Variants in THOC6 observed in about 807,000 individuals in gnomAD.
THOC6 encodes the protein THO complex subunit 6, also known as THO complex 6.
Under a neutral mutation model 55.8 loss-of-function variants are expected in THOC6, and 39 were observed. That is an observed-to-expected ratio of 0.70 (90% CI 0.54 to 0.91). The LOEUF (loss-of-function observed/expected upper bound fraction) is 0.91, where lower values mean the gene tolerates loss of function less well. Among genes scored for constraint, THOC6 ranks in the 40% least tolerant of loss-of-function variants. The pLI is 0.00. For synonymous variants in THOC6, 192 were observed against 175.6 expected (o/e 1.09, Z -0.74); for missense variants, 482 against 442.0 (o/e 1.09, Z -0.81).
In THOC6 at chr16:3,025,077, A is replaced by G. The variant is rs1407720190; in HGVS notation, c.40-631A>G. 3.3e-5 allele frequency among the ~76,000 whole-genome samples: 5 copies of G among 149,442 alleles called. No individual in the cohort carries two copies. The East Asian group carries it at 9.9e-4, about 30-fold the overall frequency. ...CCTGCCTCAGCCTCCTGAGTAGCTG[A>G]GATTACAGGCATGCGCCACCACTCC... On this transcript the variant is annotated intron_variant, in intron 1 of 12. Transcript: ENST00000326266.
Position 3,027,686 on chromosome 16 carries a change from G to T in THOC6, c.*29G>T. 1 of 1,571,666 alleles carries T rather than the reference G, an allele frequency of 6.4e-7. No individual in the cohort carries two copies. The highest frequency in any genetic ancestry group is 1.2e-5 in the South Asian group (1 of 84,584). On this transcript the variant is annotated 3_prime_UTR_variant, in exon 13 of 13. Transcript: ENST00000326266. ...CTGACGACACCCCCAGCCAGCTCAG[G>T]GTTTTAGAGTGTTTTTCATTTTCTT...
In THOC6 at chr16:3,027,572, T is replaced by C; in HGVS notation, c.946-5T>C. 6.2e-7 allele frequency: 1 copy of C among 1,613,786 alleles called. No homozygotes were observed. On this transcript the variant is annotated splice_region_variant and splice_polypyrimidine_tract_variant and intron_variant, in intron 12 of 12. Coordinates refer to ENST00000326266, the MANE Select transcript of THOC6 (RefSeq NM_024339.5). The stretch of plus-strand genomic sequence containing the variant: ...GCAGGCCAGTCATGCCCCTCTTTCC[T>C]CCAGGTCCTGACAGCTGCAGGCAAC...
chr16:3,026,905 T>A lies in THOC6; in HGVS notation c.625T>A (p.Tyr209Asn), dbSNP rs1385695135. 1 of 1,614,104 alleles carries A rather than the reference T, an allele frequency of 6.2e-7. No individual in the cohort carries two copies. Among genetic ancestry groups the A allele is most frequent in the Admixed American group, 1.7e-5 (1 of 60,008 alleles). ...CAAGGAGGTCCAGACGATCGAGGTC[T>A]ATAAGCACGAGGTGAGGGTGTGACC... is the stretch of plus-strand genomic sequence containing the variant. ...TAKEVQTIEV[Y>N]KHEECSRPHN... Residue 209 changes from tyrosine to asparagine, a missense_variant, in exon 9 of 13, where the codon TAT (tyrosine) becomes AAT (asparagine). Physicochemically the swap from Tyr to Asn is moderately radical, Grantham distance 143. Transcript: ENST00000326266.
chr16:3,027,462 C>A lies in THOC6; in HGVS notation c.907C>A (p.Leu303Ile), dbSNP rs755136332. The change falls in exon 12 of 13, where the codon CTC becomes ATC. Residue 303 changes from leucine to isoleucine, a missense_variant. Transcript: ENST00000326266. ...VPGSSPGLLSLSLNQQPAAPE... is the reference protein window; with the variant it reads ...VPGSSPGLLSISLNQQPAAPE... Reference sequence around the variant, plus strand: ...TGGCTCCTCCCCAGGGCTGCTCAGCCTCAGCCTCAACCAGCAGCCTGCCGC... The same window carrying A: ...TGGCTCCTCCCCAGGGCTGCTCAGCATCAGCCTCAACCAGCAGCCTGCCGC... 26 of 1,610,890 alleles carry A rather than the reference C, an allele frequency of 1.6e-5. No homozygotes were observed. The East Asian group carries it at 5.6e-4, about 35-fold the overall frequency.
Position 3,027,008 on chromosome 16 carries a change from C to T in THOC6, c.637-3C>T, listed in dbSNP as rs2072813756. 2 of 1,614,224 alleles carry T rather than the reference C, an allele frequency of 1.2e-6. No homozygotes were observed. The highest frequency in any genetic ancestry group is 2.2e-5 in the South Asian group (2 of 91,084). On this transcript the variant is annotated splice_polypyrimidine_tract_variant and splice_region_variant and intron_variant, in intron 9 of 12. Coordinates refer to ENST00000326266, the MANE Select transcript of THOC6 (RefSeq NM_024339.5). ...TCTTTCCCTCCTCCCCTCCCCATCC[C>T]AGGAGTGCTCGAGGCCCCACAATGG...
Position 3,025,803 on chromosome 16 carries a change from C to A in THOC6, c.135C>A (p.Tyr45Ter), listed in dbSNP as rs772533643. 3.1e-6 allele frequency: 5 copies of A among 1,614,232 alleles called. No homozygotes were observed. The highest frequency in any genetic ancestry group is 3.4e-6 in the Non-Finnish European group (4 of 1,180,044). Residue 45 changes from tyrosine (Y) to a stop codon, truncating the protein, a stop_gained, in exon 2 of 13, where the codon TAC becomes TAA. Coordinates refer to ENST00000326266, the MANE Select transcript of THOC6 (RefSeq NM_024339.5). LOFTEE classifies it high-confidence loss of function. ...AGTTTCTGGCGGCTGGCAACAATTA[C>A]GGGCAGATTGCCATCTTCAGGTACC... is the stretch of plus-strand genomic sequence containing the variant. Reference protein sequence around the residue: ...CGKFLAAGNNYGQIAIFSLSS... With the variant: ...CGKFLAAGNN
chr16:3,026,894 C>T lies in THOC6; in HGVS notation c.614C>T (p.Thr205Met), dbSNP rs148494949. The T allele has an allele frequency of 3.1e-5, 50 of 1,614,086 alleles. No individual in the cohort carries two copies. Among genetic ancestry groups the T allele is most frequent in the East Asian group, 4.5e-5 (2 of 44,898 alleles). Residue 205 changes from threonine (T) to methionine (M), a missense_variant, in exon 9 of 13, where the codon ACG (threonine) becomes ATG (methionine). Physicochemically the swap from Thr to Met is moderately conservative, Grantham distance 81. Coordinates refer to ENST00000326266, the MANE Select transcript of THOC6 (RefSeq NM_024339.5). ...WDLRTAKEVQ[T>M]IEVYKHEECS... is the part of the protein sequence containing the mutation. ...CTGCGCACAGCCAAGGAGGTCCAGA[C>T]GATCGAGGTCTATAAGCACGAGGTG... is the stretch of plus-strand genomic sequence containing the variant.
rs2072771830 is a variant in THOC6, at chr16:3,025,813, G to T, written c.145G>T (p.Ala49Ser). The change falls in exon 2 of 13, where the codon GCC becomes TCC. Residue 49 changes from alanine to serine, a missense_variant. Ala to Ser is a moderately conservative substitution (Grantham distance 99, BLOSUM62 1). Transcript: ENST00000326266. ...GGCTGGCAACAATTACGGGCAGATT[G>T]CCATCTTCAGGTACCCTCTGCCGCT... ...LAAGNNYGQIAIFSLSSALSS... is the reference protein window; with the variant it reads ...LAAGNNYGQISIFSLSSALSS... 1.2e-6 allele frequency: 2 copies of T among 1,614,082 alleles called. No individual in the cohort carries two copies. The highest frequency in any genetic ancestry group is 2.7e-5 in the African/African-American group (2 of 74,922).
At position 3,025,692 on chromosome 16, in the gene THOC6, C is replaced by T; in HGVS notation, c.40-16C>T. Reference sequence around the variant, plus strand: ...TCATACGTCCCAGGCAGGCCTCATCCAGTCTTTCCCTGCAGACAGAGGTGT... The same window carrying T: ...TCATACGTCCCAGGCAGGCCTCATCTAGTCTTTCCCTGCAGACAGAGGTGT... On this transcript the variant is annotated splice_polypyrimidine_tract_variant and intron_variant, in intron 1 of 12. Coordinates refer to ENST00000326266, the MANE Select transcript of THOC6 (RefSeq NM_024339.5). 1.2e-6 allele frequency: 2 copies of T among 1,610,388 alleles called. No individual in the cohort carries two copies. Among genetic ancestry groups the T allele is most frequent in the South Asian group, 1.1e-5 (1 of 91,012 alleles).
At chr16:3,025,872 G>C (rs1213451144) in intron 2 of THOC6, 49 bp downstream of exon 2, 4 of 1,614,074 alleles carry the variant, frequency 2.5e-6, no homozygotes, top group Admixed American at 1.7e-5. Context: ...TGGCCCTCAT[G>C]GGACGGATGC....
At position 3,024,225 on chromosome 16, in the gene THOC6, G is replaced by A. The variant is rs2072718851; in HGVS notation, c.-102G>A. On this transcript the variant is annotated 5_prime_UTR_variant, in exon 1 of 13. Transcript: ENST00000326266. ...GACGGTACGCACCAGCCACCTTCGC[G>A]CCGAAGGCGGTAGGGCGCCACGGAG... 1 of 1,483,782 alleles carries A rather than the reference G, an allele frequency of 6.7e-7. No homozygotes were observed. The allele number at this position is 1,483,782 out of a possible 1,614,324, so 91.9% of individuals were successfully genotyped here.
Position 3,026,062 on chromosome 16 carries a change from G to C in THOC6, c.221-1G>C. ...TCACTCAGTTCTGCATTTCTCTTTA[G>C]CCCATGATGGGCCCGTCTATAGCAT... is the stretch of plus-strand genomic sequence containing the variant. On this transcript the variant is annotated splice_acceptor_variant, in intron 3 of 12. Transcript: ENST00000326266. LOFTEE classifies it high-confidence loss of function. 1 of 1,612,794 alleles carries C rather than the reference G, an allele frequency of 6.2e-7. No homozygotes were observed.
At position 3,026,404 on chromosome 16, in the gene THOC6, G is replaced by A. The variant is rs201393467; in HGVS notation, c.402G>A (p.Leu134=). Reference sequence around the variant, plus strand: ...TGCCTGAGATCAACGCTTTGCTGCTGGTCCCCAAGGTCTGAGCCCCATGTG... The same window carrying A: ...TGCCTGAGATCAACGCTTTGCTGCTAGTCCCCAAGGTCTGAGCCCCATGTG... ...LEVPEINALL[L]VPKENSLILA... The change falls in exon 6 of 13, where the codon CTG becomes CTA. Residue 134 remains leucine (L), a synonymous_variant. Transcript: ENST00000326266. 1.2e-4 allele frequency: 197 copies of A among 1,614,076 alleles called. No homozygotes were observed. The highest frequency in any genetic ancestry group is 3.2e-4 in the Admixed American group (19 of 60,008).
chr16:3,026,262 G>A lies in THOC6; in HGVS notation c.336G>A (p.Glu112=), dbSNP rs1385107988. The change falls in exon 5 of 13, where the codon GAG becomes GAA. Residue 112 remains glutamate, a synonymous_variant. Coordinates refer to ENST00000326266, the MANE Select transcript of THOC6 (RefSeq NM_024339.5). ...TTTCTCTTTTGAAGGGCTGTAAGGAGCTGTGGCGTCGTCAGCCTCCATACA... is the reference window on the plus strand; with the variant it reads ...TTTCTCTTTTGAAGGGCTGTAAGGAACTGTGGCGTCGTCAGCCTCCATACA... The part of the protein sequence containing the change: ...WAEMLKKGCK[E]LWRRQPPYRT... 1.2e-6 allele frequency: 2 copies of A among 1,614,152 alleles called. No individual in the cohort carries two copies. The highest frequency in any genetic ancestry group is 1.7e-6 in the Non-Finnish European group (2 of 1,180,028).
In THOC6 at chr16:3,027,280, G is replaced by A; in HGVS notation, c.810G>A (p.Leu270=). 6.2e-7 allele frequency: 1 copy of A among 1,614,158 alleles called. No individual in the cohort carries two copies. Residue 270 remains leucine (L), a splice_region_variant and synonymous_variant, in exon 11 of 13, where the codon CTG becomes CTA. Coordinates refer to ENST00000326266, the MANE Select transcript of THOC6 (RefSeq NM_024339.5). ...PQKHVTFYQD[L]ILSAGQGRCV... ...AGCACGTCACCTTCTACCAGGACCT[G>A]GTGAGGCCCTGTGTCTCACTTCTGC...
Position 3,027,479 on chromosome 16 carries a change from G to C in THOC6, c.924G>C (p.Gln308His). The change falls in exon 12 of 13, where the codon CAG becomes CAC. Residue 308 changes from glutamine (Q) to histidine (H), a missense_variant. By Grantham distance (24) the Gln-to-His change is conservative. Coordinates refer to ENST00000326266, the MANE Select transcript of THOC6 (RefSeq NM_024339.5). ...TGCTCAGCCTCAGCCTCAACCAGCAGCCTGCCGCGCCTGAGTGCAAGGTGG... is the reference window on the plus strand; with the variant it reads ...TGCTCAGCCTCAGCCTCAACCAGCACCCTGCCGCGCCTGAGTGCAAGGTGG... ...PGLLSLSLNQ[Q>H]PAAPECKVLT... The C allele has an allele frequency of 6.2e-7, 1 of 1,609,880 alleles. No homozygotes were observed. The highest frequency in any genetic ancestry group is 8.5e-7 in the Non-Finnish European group (1 of 1,177,760).
In THOC6 at chr16:3,026,954, C is replaced by G. The variant is rs760829009; in HGVS notation, c.636+38C>G. The G allele has an allele frequency of 5.6e-6, 9 of 1,614,050 alleles. No individual in the cohort carries two copies. In the African/African-American group the frequency reaches 1.2e-4, roughly 22 times the overall value. On this transcript the variant is annotated intron_variant, in intron 9 of 12. Transcript: ENST00000326266. ...CCGTGGCCATTGTCCTCTTCTCCCC[C>G]AACTCCTTGAATTCTCCAGGTCTTC... is the stretch of plus-strand genomic sequence containing the variant.
chr16:3,026,714 C>G lies in THOC6; in HGVS notation c.519C>G (p.Cys173Trp). Residue 173 changes from cysteine to tryptophan, a missense_variant, in exon 8 of 13, where the codon TGC becomes TGG. Coordinates refer to ENST00000326266, the MANE Select transcript of THOC6 (RefSeq NM_024339.5). ...VLRGHTDYIHCLALRERSPEV... is the reference protein window; with the variant it reads ...VLRGHTDYIHWLALRERSPEV... ...GGGGCCACACAGACTACATCCACTGCCTGGCACTGCGGGAAAGGAGCCCAG... is the reference window on the plus strand; with the variant it reads ...GGGGCCACACAGACTACATCCACTGGCTGGCACTGCGGGAAAGGAGCCCAG... 1 of 1,613,830 alleles carries G rather than the reference C, an allele frequency of 6.2e-7. No homozygotes were observed. The highest frequency in any genetic ancestry group is 8.5e-7 in the Non-Finnish European group (1 of 1,179,850).
At position 3,024,232 on chromosome 16, in the gene THOC6, G is replaced by A; in HGVS notation, c.-95G>A. 1 of 1,522,014 alleles carries A rather than the reference G, an allele frequency of 6.6e-7. No homozygotes were observed. Among genetic ancestry groups the A allele is most frequent in the Admixed American group, 1.7e-5 (1 of 58,024 alleles). 94.3% of individuals were successfully genotyped at this position (1,522,014 alleles called of 1,614,324 possible). A position where few individuals can be genotyped will look rare whatever the true frequency, so the allele number is the denominator to read the frequency against. On this transcript the variant is annotated 5_prime_UTR_variant, in exon 1 of 13. Coordinates refer to ENST00000326266, the MANE Select transcript of THOC6 (RefSeq NM_024339.5). Reference sequence around the variant, plus strand: ...CGCACCAGCCACCTTCGCGCCGAAGGCGGTAGGGCGCCACGGAGAGGAACC... The same window carrying A: ...CGCACCAGCCACCTTCGCGCCGAAGACGGTAGGGCGCCACGGAGAGGAACC...
Sources: allele counts gnomAD v4.1 joint callset (sites outside exome capture counted in the v4.1 genomes callset), GRCh38; gene constraint gnomAD v4.1.1; transcripts MANE v1.5; gene names NCBI Gene and HGNC (gene_info 2026-07-23, HGNC 2026-07-21).